The following MPDZ variants were observed in gnomAD, a reference collection of about 807,000 sequenced individuals.
The protein encoded by MPDZ is multiple PDZ domain crumbs cell polarity complex component.
A neutral mutation model predicts 239.1 loss-of-function variants in MPDZ; 234 were observed. That is an observed-to-expected ratio of 0.98 (90% CI 0.88 to 1.09). The LOEUF is 1.09. Ranked by LOEUF, MPDZ falls within the 50% of genes least tolerant of loss-of-function variation. MPDZ has a pLI of 0.00. For synonymous variants in MPDZ, 1,048 were observed against 881.3 expected (o/e 1.19, Z -3.35); for missense variants, 3,175 against 2,510.0 (o/e 1.26, Z -5.66).
intron 1 of MPDZ, 111 bp downstream of exon 1, chr9:13,279,289 C>G (rs1208174207): frequency 2.2e-5 from 3 of 139,170 alleles, no homozygotes; most frequent in Non-Finnish European, 3.2e-5. Context: ...CCGCCCCCAC[C>G]CCCACCCCCA....
At chr9:13,166,273 T>C (rs534558775) in intron 22 of MPDZ, among the ~76,000 whole-genome samples, 8 of 152,242 alleles carry the variant, frequency 5.3e-5, no homozygotes, top group African/African-American at 1.9e-4. Flanking sequence ...TTCAAGGTAA[T>C]TCTAAACCTT....
chr9:13,114,654 C>A (rs1224913652), intron 40 of MPDZ, among the ~76,000 whole-genome samples: 6 of 152,116 alleles, frequency 3.9e-5, no homozygotes, highest in Admixed American at 3.3e-4. Context: ...GTAATCCCAA[C>A]ACTTTGGGAG....
intron 22 of MPDZ, 50 bp downstream of exon 22, chr9:13,168,316 T>C (rs368467805): frequency 2.4e-5 from 36 of 1,524,532 alleles, no homozygotes; most frequent in East Asian, 1.8e-4. Context: ...TTCTGATTAA[T>C]TGAAATTCCT....
intron 45 of MPDZ, 144 bp from the exon 46 acceptor site, chr9:13,109,203 G>T: frequency 1.6e-6 from 1 of 638,720 alleles, no homozygotes; most frequent in Non-Finnish European, 2.2e-6. Context: ...TTTTTGAGAT[G>T]CTTAAATTGT....
At chr9:13,112,910 G>T in intron 42 of MPDZ, 101 bp downstream of exon 42, 1 of 1,132,188 alleles carries the variant, frequency 8.8e-7, no homozygotes, top group Non-Finnish European at 1.3e-6. Flanking sequence ...CATACTTTTT[G>T]AGATGAATAC....
chr9:13,262,911 G>T (rs376111030), intron 1 of MPDZ, among the ~76,000 whole-genome samples: 2 of 151,952 alleles, frequency 1.3e-5, no homozygotes, highest in Non-Finnish European at 2.9e-5. Flanking sequence ...TACTTTCATC[G>T]TATTCAACAA....
chr9:13,177,438 T>A (rs1362602706), intron 19 of MPDZ, among the ~76,000 whole-genome samples: 1 of 152,140 alleles, frequency 6.6e-6, no homozygotes, highest in African/African-American at 2.4e-5. Flanking sequence ...TTTAATGCAT[T>A]TGCATAATAT....
At chr9:13,270,526 G>C (rs1972728108) in intron 1 of MPDZ, among the ~76,000 whole-genome samples, 1 of 151,128 alleles carries the variant, frequency 6.6e-6, no homozygotes, top group Non-Finnish European at 1.5e-5. Context: ...TAAAAGACAT[G>C]GGTAAAAGAC....
intron 12 of MPDZ, 73 bp downstream of exon 12, chr9:13,204,963 A>G: frequency 9.6e-7 from 1 of 1,043,122 alleles, no homozygotes; most frequent in Non-Finnish European, 1.3e-6. Context: ...TAGAGGCTTA[A>G]TCACATTTGT....
intron 3 of MPDZ, among the ~76,000 whole-genome samples, chr9:13,240,264 G>T (rs1247662798): frequency 6.6e-6 from 1 of 151,888 alleles, no homozygotes; most frequent in African/African-American, 2.4e-5. Context: ...GACACATGAA[G>T]ACTGATAATA....
intron 23 of MPDZ, 52 bp from the exon 24 acceptor site, chr9:13,158,162 A>G: frequency 7.3e-7 from 1 of 1,378,600 alleles, no homozygotes; most frequent in Non-Finnish European, 1.0e-6. Flanking sequence ...AAAAACATGC[A>G]AGATTATATG....
chr9:13,254,298 T>C (rs1171566103), intron 1 of MPDZ, among the ~76,000 whole-genome samples: 1 of 152,210 alleles, frequency 6.6e-6, no homozygotes, highest in African/African-American at 2.4e-5. Context: ...ATTTATGTAA[T>C]GTTAATGTCC....
intron 19 of MPDZ, among the ~76,000 whole-genome samples, chr9:13,182,338 T>A (rs1953456811): frequency 6.6e-6 from 1 of 152,106 alleles, no homozygotes; most frequent in Non-Finnish European, 1.5e-5. Flanking sequence ...TTAATAGATA[T>A]AAACATTCTG....
rs1954112417 is a variant in MPDZ at position 13,186,401 on chromosome 9, T to C, written c.2365-15A>G. ...TCTGGTGAAAGCTGCAGGGAAAAAATGGTATTCATGGAAAAGAGAGAGAAC... is the reference window on the plus strand; with the variant it reads ...TCTGGTGAAAGCTGCAGGGAAAAAACGGTATTCATGGAAAAGAGAGAGAAC... On this transcript the variant is annotated splice_polypyrimidine_tract_variant and intron_variant, in intron 17 of 46. Transcript: ENST00000319217. 3.4e-6 allele frequency: 5 copies of C among 1,491,972 alleles called. No homozygotes were observed. Among genetic ancestry groups the C allele is most frequent in the Admixed American group, 2.0e-5 (1 of 51,116 alleles). 92.4% of individuals were successfully genotyped at this position (1,491,972 alleles called of 1,614,324 possible). A position where few individuals can be genotyped will look rare whatever the true frequency, so the allele number is the denominator to read the frequency against.
At chr9:13,146,012 T>C (rs932566130) in intron 26 of MPDZ, among the ~76,000 whole-genome samples, 1 of 152,052 alleles carries the variant, frequency 6.6e-6, no homozygotes, top group Non-Finnish European at 1.5e-5. Context: ...TGTGTCTATG[T>C]TTAACACACA....
chr9:13,237,370 G>A lies in MPDZ; in HGVS notation c.183+10265C>T, dbSNP rs548432631. Among the ~76,000 whole-genome samples, 9 of 148,082 alleles carry A rather than the reference G, an allele frequency of 6.1e-5. No homozygotes were observed. In the South Asian group the frequency reaches 8.6e-4, roughly 14 times the overall value. On this transcript the variant is annotated intron_variant, in intron 3 of 46. Coordinates refer to ENST00000319217, the MANE Select transcript of MPDZ (RefSeq NM_001378778.1). Reference sequence around the variant, plus strand: ...GAGGGTCACGGGAGCCCAAGAGGTCGAGGCTGCAGTGAGCCATGAGCATGC... The same window carrying A: ...GAGGGTCACGGGAGCCCAAGAGGTCAAGGCTGCAGTGAGCCATGAGCATGC...
intron 1 of MPDZ, among the ~76,000 whole-genome samples, chr9:13,268,093 G>C (rs1352155787): frequency 6.6e-6 from 1 of 151,856 alleles, no homozygotes; most frequent in African/African-American, 2.4e-5. Flanking sequence ...AACAGTATTA[G>C]CATCAGAATG....
At chr9:13,119,399 T>G in intron 39 of MPDZ, 103 bp downstream of exon 39, 1 of 1,391,932 alleles carries the variant, frequency 7.2e-7, no homozygotes, top group South Asian at 1.4e-5. Context: ...GGTGACACTT[T>G]AAATAAAGAG....
Position 13,203,728 on chromosome 9 carries a change from CCACACACACA to C in MPDZ, c.1546+1298_1546+1307del, listed in dbSNP as rs58472339. ...TCTATAGTCACCCCCATGTATCCTGCCACACACACACACACACACACACACACACACACAC... is the reference window on the plus strand; with the variant it reads ...TCTATAGTCACCCCCATGTATCCTGCCACACACACACACACACACACACAC... On this transcript the variant is annotated intron_variant, in intron 12 of 46. Transcript: ENST00000319217. 8.9e-3 allele frequency among the ~76,000 whole-genome samples: 1,248 copies of C among 140,464 alleles called. 9 individuals carry two copies. Among genetic ancestry groups the C allele is most frequent in the African/African-American group, 0.018 (667 of 37,686 alleles). 92.1% of individuals were successfully genotyped at this position (140,464 alleles called of 152,430 possible). A position where few individuals can be genotyped will look rare whatever the true frequency, so the allele number is the denominator to read the frequency against.
Sources: allele counts gnomAD v4.1 joint callset (sites outside exome capture counted in the v4.1 genomes callset), GRCh38; gene constraint gnomAD v4.1.1; transcripts MANE v1.5; gene names NCBI Gene and HGNC (gene_info 2026-07-23, HGNC 2026-07-21).